SRGAP3: variants seen among roughly 807,000 people sequenced by gnomAD.
SRGAP3 encodes the protein SLIT-ROBO Rho GTPase activating protein 3.
A neutral mutation model predicts 121.1 loss-of-function variants in SRGAP3; 39 were observed. The observed-to-expected ratio is 0.32, with a 90% CI of 0.25 to 0.42. SRGAP3 has a LOEUF of 0.42. Among genes scored for constraint, SRGAP3 ranks in the 10% least tolerant of loss-of-function variants. SRGAP3 has a pLI of 1.00. For synonymous variants in SRGAP3, 601 were observed against 570.0 expected (o/e 1.05, Z -0.77); for missense variants, 1,213 against 1,470.6 (o/e 0.82, Z 2.86).
rs1006710429 is a variant in SRGAP3, at chr3:9,263,991, A to G, written n.442+62019T>C. On this transcript the variant is annotated intron_variant and non_coding_transcript_variant, in intron 3 of 3. Coordinates refer to the SRGAP3 transcript ENST00000490889. ...CCTCAATAAAATATTGGCAAACCGAATCCAGCAGCACGTTCTAAAGCTTAT... is the reference window on the plus strand; with the variant it reads ...CCTCAATAAAATATTGGCAAACCGAGTCCAGCAGCACGTTCTAAAGCTTAT... Among the ~76,000 whole-genome samples, 5 of 152,232 alleles carry G rather than the reference A, an allele frequency of 3.3e-5. 1 individual carries two copies. The highest frequency in any genetic ancestry group is 1.2e-4 in the African/African-American group (5 of 41,464).
chr3:9,007,468 C>T (rs79829771), intron 18 of SRGAP3: 3,265 of 152,196 alleles, frequency 0.021, 51 homozygotes, highest in Non-Finnish European at 0.032. Flanking sequence ...ATTGATGATC[C>T]CCTAAATGAA....
At chr3:9,020,101 A>C (rs1246208859) in intron 14 of SRGAP3, among the ~76,000 whole-genome samples, 1 of 152,216 alleles carries the variant, frequency 6.6e-6, no homozygotes, top group Non-Finnish European at 1.5e-5. Context: ...GAGAGAGCTG[A>C]GGCCCTGGCA....
At chr3:9,175,783 T>G (rs1005394555) in intron 1 of SRGAP3, among the ~76,000 whole-genome samples, 2 of 152,236 alleles carry the variant, frequency 1.3e-5, no homozygotes, top group African/African-American at 4.8e-5. Flanking sequence ...CTTGGGATGC[T>G]TCTACATGTT....
At chr3:9,152,565 G>A (rs1023574775) in intron 1 of SRGAP3, among the ~76,000 whole-genome samples, 2 of 152,254 alleles carry the variant, frequency 1.3e-5, no homozygotes, top group African/African-American at 2.4e-5. Context: ...GACAGAGGCT[G>A]GAGAGTGGAG....
At chr3:9,014,920 A>T (rs905398521) in intron 15 of SRGAP3, 1 of 152,222 alleles carries the variant, frequency 6.6e-6, no homozygotes, top group Non-Finnish European at 1.5e-5. Context: ...TTTTTAAAAA[A>T]ATTTCCAAAA....
At chr3:9,187,454 C>A (rs1052929304) in intron 1 of SRGAP3, among the ~76,000 whole-genome samples, 1 of 152,102 alleles carries the variant, frequency 6.6e-6, no homozygotes, top group Non-Finnish European at 1.5e-5. Context: ...CTTTCTCTCT[C>A]CACACAGCAC....
At chr3:9,125,666 T>A (rs1057410827) in intron 1 of SRGAP3, among the ~76,000 whole-genome samples, 1 of 152,214 alleles carries the variant, frequency 6.6e-6, no homozygotes, top group Admixed American at 6.5e-5. Flanking sequence ...GAGTTAAAAA[T>A]CACAGCTGAA....
chr3:9,043,878 A>G (rs987816684), intron 10 of SRGAP3, among the ~76,000 whole-genome samples: 2 of 152,166 alleles, frequency 1.3e-5, no homozygotes, highest in Admixed American at 6.6e-5. Context: ...TCAAAAACCA[A>G]CCGCATCTTG....
Position 9,063,120 on chromosome 3 carries a change from C to G in SRGAP3, c.672+1276G>C, listed in dbSNP as rs189812388. On this transcript the variant is annotated intron_variant, in intron 5 of 21. Transcript: ENST00000383836. ...TTTCTTTAATCACTAATAATAGAGA[C>G]AATCTTTTTTTTTTTTTTTTTTTTT... Among the ~76,000 whole-genome samples, 910 of 135,966 alleles carry G rather than the reference C, an allele frequency of 6.7e-3. 13 individuals carry two copies. The highest frequency in any genetic ancestry group is 0.022 in the African/African-American group (820 of 36,798). The allele number at this position is 135,966 out of a possible 152,430, so 89.2% of individuals were successfully genotyped here.
chr3:9,089,292 C>CGGGGGGGGGGGGG (rs58674136), intron 3 of SRGAP3, among the ~76,000 whole-genome samples: 1 of 8,334 alleles, frequency 1.2e-4, no homozygotes, highest in African/African-American at 2.0e-4. Context: ...GTGGGGTGGG[C>CGGGGGGGGGGGGG]GGGGGGGGGG....
At position 9,096,847 on chromosome 3, in the gene SRGAP3, GTCCAAATAATCA is replaced by G. The variant is rs1355501674; in HGVS notation, c.423+7821_423+7832del. On this transcript the variant is annotated intron_variant, in intron 3 of 21. Transcript: ENST00000383836. ...CATTCTCATTAAATTTCTTCTCAAA[GTCCAAATAATCA>G]TCCTAATAATAGCTAATATATAATA... is the stretch of plus-strand genomic sequence containing the variant. 7.7e-5 allele frequency among the ~76,000 whole-genome samples: 11 copies of G among 142,986 alleles called. No homozygotes were observed. In the Admixed American group the frequency reaches 8.0e-4, roughly 10 times the overall value. The allele number at this position is 142,986 out of a possible 152,430, so 93.8% of individuals were successfully genotyped here.
chr3:9,347,021 T>C (rs1324197599), intron 1 of SRGAP3, among the ~76,000 whole-genome samples: 1 of 152,064 alleles, frequency 6.6e-6, no homozygotes, highest in Non-Finnish European at 1.5e-5. Context: ...CTCGAACTCC[T>C]TACCTCAGGT....
chr3:9,237,993 T>C (rs950902132), intron 1 of SRGAP3, among the ~76,000 whole-genome samples: 7 of 152,190 alleles, frequency 4.6e-5, no homozygotes, highest in Admixed American at 4.6e-4. Flanking sequence ...CATTTGGCTA[T>C]GTCTGGAGAC....
chr3:9,240,146 T>C (rs1028634568), intron 1 of SRGAP3, among the ~76,000 whole-genome samples: 1 of 152,138 alleles, frequency 6.6e-6, no homozygotes, highest in Non-Finnish European at 1.5e-5. Context: ...AACACCTCTT[T>C]ACAACCAATT....
intron 10 of SRGAP3, among the ~76,000 whole-genome samples, chr3:9,041,107 A>G (rs1413428245): frequency 6.6e-6 from 1 of 152,270 alleles, no homozygotes; most frequent in Non-Finnish European, 1.5e-5. Flanking sequence ...ATAGTGTAAT[A>G]AGTGCTGCAG....
rs925095120 is a variant in SRGAP3 at position 9,132,550 on chromosome 3, A to G, written c.68-7633T>C. ...TTAGAGTGGCTTCTTTCACCTAGCA[A>G]TATGCATGTAGGGTTCTTCCATGTC... On this transcript the variant is annotated intron_variant, in intron 1 of 21. Coordinates refer to ENST00000383836, the MANE Select transcript of SRGAP3 (RefSeq NM_014850.4). Among the ~76,000 whole-genome samples, 14 of 152,194 alleles carry G rather than the reference A, an allele frequency of 9.2e-5. 1 individual carries two copies. Among genetic ancestry groups the G allele is most frequent in the Non-Finnish European group, 1.5e-5 (1 of 68,036 alleles).
At chr3:9,030,515 C>G (rs371329914) in intron 12 of SRGAP3, among the ~76,000 whole-genome samples, 1 of 152,194 alleles carries the variant, frequency 6.6e-6, no homozygotes, top group African/African-American at 2.4e-5. Context: ...AGAAGATTGA[C>G]CAAAGCAGCT....
Position 9,041,843 on chromosome 3 carries a change from G to A in SRGAP3, c.1409-3753C>T, listed in dbSNP as rs1164936007. On this transcript the variant is annotated intron_variant, in intron 10 of 21. Coordinates refer to ENST00000383836, the MANE Select transcript of SRGAP3 (RefSeq NM_014850.4). The stretch of plus-strand genomic sequence containing the variant: ...AGGCTGGGAGTGGTGACTCGTGCCC[G>A]TAATCCCAGCACTTTCGGAGGCCGA... Among the ~76,000 whole-genome samples the A allele has an allele frequency of 4.6e-5, 7 of 152,192 alleles. 1 individual carries two copies. The East Asian group carries it at 1.3e-3, about 29-fold the overall frequency.
At chr3:9,230,862 A>G (rs889830433) in intron 1 of SRGAP3, among the ~76,000 whole-genome samples, 7 of 149,046 alleles carry the variant, frequency 4.7e-5, no homozygotes, top group South Asian at 2.2e-4. Context: ...ATCTCAAAAA[A>G]AAAAAAAAAG....
Sources: gnomAD v4.1 joint callset for allele counts (sites outside exome capture counted in the v4.1 genomes callset) on GRCh38, gnomAD v4.1.1 for gene constraint, MANE v1.5 for transcripts, NCBI Gene and HGNC (gene_info 2026-07-23, HGNC 2026-07-21) for gene names.